NEK1: variants seen among roughly 807,000 people sequenced by gnomAD.
NEK1 encodes NIMA related kinase 1, also known as serine/threonine-protein kinase Nek1.
Under a neutral mutation model 182.1 loss-of-function variants are expected in NEK1, and 137 were observed. That is an observed-to-expected ratio of 0.75 (90% CI 0.65 to 0.87). The LOEUF (loss-of-function observed/expected upper bound fraction) is 0.87. NEK1 is among the 40% of genes least tolerant of loss of function. NEK1 has a pLI of 0.00. For synonymous variants in NEK1, 513 were observed against 492.2 expected, an observed-to-expected ratio of 1.04 and a Z score of -0.56; for missense variants, 1,391 against 1,494.4, an observed-to-expected ratio of 0.93 and a Z score of 1.14.
intron 2 of NEK1, among the ~76,000 whole-genome samples, chr4:169,611,226 T>C (rs1772276565): frequency 6.6e-6 from 1 of 152,204 alleles, no homozygotes; most frequent in Non-Finnish European, 1.5e-5. Context: ...TGTGGTCAAG[T>C]CCGACGACCT....
chr4:169,511,520 G>GAT (rs1754180004), intron 19 of NEK1, among the ~76,000 whole-genome samples: 1 of 152,016 alleles, frequency 6.6e-6, no homozygotes, highest in Non-Finnish European at 1.5e-5. Flanking sequence ...AAATATTATA[G>GAT]ATATACAGAA....
At position 169,562,419 on chromosome 4, in the gene NEK1, A is replaced by G. The variant is rs1166336703; in HGVS notation, c.1021-223T>C. Among the ~76,000 whole-genome samples the G allele has an allele frequency of 3.3e-5, 5 of 152,218 alleles. No individual in the cohort carries two copies. The East Asian group carries it at 9.6e-4, about 29-fold the overall frequency. On this transcript the variant is annotated intron_variant, in intron 12 of 35. Coordinates refer to ENST00000507142, the MANE Select transcript of NEK1 (RefSeq NM_001199397.3). ...AACTGTGGAAAAGGGTCCTTCCCCA[A>G]TCATCAACTAAACAGTTTTGTGTTC... is the stretch of plus-strand genomic sequence containing the variant.
intron 12 of NEK1, among the ~76,000 whole-genome samples, chr4:169,572,738 A>G (rs1261965351): frequency 2.0e-5 from 3 of 152,146 alleles, no homozygotes; most frequent in Non-Finnish European, 4.4e-5. Flanking sequence ...ACTCAAATGA[A>G]GAAAATATTT....
chr4:169,584,769 A>C lies in NEK1; in HGVS notation c.807+580T>G, dbSNP rs1275247716. ...CAATAACCTTATAGATACATTTAATAATCCCTTTGCTCACAGGTGAGGAGA... is the reference window on the plus strand; with the variant it reads ...CAATAACCTTATAGATACATTTAATCATCCCTTTGCTCACAGGTGAGGAGA... On this transcript the variant is annotated intron_variant, in intron 10 of 35. Coordinates refer to ENST00000507142, the MANE Select transcript of NEK1 (RefSeq NM_001199397.3). 2.0e-5 allele frequency among the ~76,000 whole-genome samples: 3 copies of C among 152,372 alleles called. No individual in the cohort carries two copies. The East Asian group carries it at 5.8e-4, about 29-fold the overall frequency.
chr4:169,400,362 A>G lies in NEK1; in HGVS notation c.3715-5T>C, dbSNP rs1468007550. On this transcript the variant is annotated splice_region_variant and splice_polypyrimidine_tract_variant and intron_variant, in intron 34 of 35. Transcript: ENST00000507142. ...ATCTTCATCTTCATGAATAGCCTATACCAAATTCCCAAATATAAATTAATA... is the reference window on the plus strand; with the variant it reads ...ATCTTCATCTTCATGAATAGCCTATGCCAAATTCCCAAATATAAATTAATA... 1 of 1,478,754 alleles carries G rather than the reference A, an allele frequency of 6.8e-7. No individual in the cohort carries two copies. The highest frequency in any genetic ancestry group is 2.5e-5 in the East Asian group (1 of 40,168). The allele number at this position is 1,478,754 out of a possible 1,614,324, so 91.6% of individuals were successfully genotyped here. A position where few individuals can be genotyped will look rare whatever the true frequency, so the allele number is the denominator to read the frequency against.
At chr4:169,466,833 ACT>A (rs1374281530) in intron 26 of NEK1, among the ~76,000 whole-genome samples, 1 of 148,816 alleles carries the variant, frequency 6.7e-6, no homozygotes. Context: ...AGAATAAATG[ACT>A]CTGCTGTATT....
intron 9 of NEK1, among the ~76,000 whole-genome samples, chr4:169,587,163 G>C (rs142315306): frequency 3.9e-5 from 6 of 152,018 alleles, no homozygotes; most frequent in Admixed American, 3.9e-4. Flanking sequence ...TCATCAGTGA[G>C]TATATGGAAT....
At position 169,529,216 on chromosome 4, in the gene NEK1, C is replaced by T. The variant is rs1448381668; in HGVS notation, c.1665+8593G>A. Among the ~76,000 whole-genome samples the T allele has an allele frequency of 2.0e-5, 3 of 152,024 alleles. No homozygotes were observed. The East Asian group carries it at 5.8e-4, about 29-fold the overall frequency. ...TAAGTTGCTACCTCAAAAAACAAGACATCACAAATTGTATGCTTATATCAA... is the reference window on the plus strand; with the variant it reads ...TAAGTTGCTACCTCAAAAAACAAGATATCACAAATTGTATGCTTATATCAA... On this transcript the variant is annotated intron_variant, in intron 19 of 35. Coordinates refer to ENST00000507142, the MANE Select transcript of NEK1 (RefSeq NM_001199397.3).
intron 2 of NEK1, among the ~76,000 whole-genome samples, chr4:169,609,654 A>G (rs1771983586): frequency 6.6e-6 from 1 of 152,208 alleles, no homozygotes. Context: ...GTATTAAATA[A>G]TATCTATGGA....
intron 12 of NEK1, among the ~76,000 whole-genome samples, chr4:169,571,766 G>A (rs548580489): frequency 6.6e-6 from 1 of 152,118 alleles, no homozygotes; most frequent in Non-Finnish European, 1.5e-5. Flanking sequence ...GTCTCACTCT[G>A]TCTCCAGGCT....
intron 31 of NEK1, among the ~76,000 whole-genome samples, chr4:169,418,999 G>A (rs899079515): frequency 6.6e-6 from 1 of 151,964 alleles, no homozygotes; most frequent in Non-Finnish European, 1.5e-5. Flanking sequence ...CCACCTAATG[G>A]CATTGTAGTG....
chr4:169,457,741 G>A lies in NEK1; in HGVS notation c.2587+5502C>T, dbSNP rs542142095. 5.3e-5 allele frequency among the ~76,000 whole-genome samples: 7 copies of A among 130,962 alleles called. No homozygotes were observed. The East Asian group carries it at 1.3e-3, about 24-fold the overall frequency. The allele number at this position is 130,962 out of a possible 152,430, so 85.9% of individuals were successfully genotyped here. ...GAGAGGGAGGGAAGAGGAGGAGAAA[G>A]GAGAGGAGGGGAGGGGAGGGGAGGG... On this transcript the variant is annotated intron_variant, in intron 27 of 35. Coordinates refer to ENST00000507142, the MANE Select transcript of NEK1 (RefSeq NM_001199397.3).
chr4:169,553,394 A>G (rs1278162658), intron 18 of NEK1, among the ~76,000 whole-genome samples: 1 of 152,206 alleles, frequency 6.6e-6, no homozygotes, highest in African/African-American at 2.4e-5. Context: ...AAAACATTAA[A>G]CTATAAAACT....
chr4:169,569,543 C>G (rs1764310975), intron 12 of NEK1, among the ~76,000 whole-genome samples: 1 of 149,904 alleles, frequency 6.7e-6, no homozygotes, highest in South Asian at 2.1e-4. Context: ...TGATGCCGAG[C>G]CGAAGCTGGA....
intron 12 of NEK1, among the ~76,000 whole-genome samples, chr4:169,568,937 C>CA (rs71590018): frequency 0.14 from 12,287 of 90,826 alleles, 801 homozygotes; most frequent in African/African-American, 0.29. Flanking sequence ...AACTCCATTT[C>CA]AAAAAAAAAA....
intron 26 of NEK1, among the ~76,000 whole-genome samples, chr4:169,473,969 A>C (rs1746494518): frequency 1.3e-5 from 2 of 152,220 alleles, no homozygotes; most frequent in African/African-American, 4.8e-5. Flanking sequence ...AAGTAGATTA[A>C]GGGAGAATAA....
chr4:169,596,830 C>T (rs1393857002), intron 5 of NEK1, among the ~76,000 whole-genome samples: 3 of 152,162 alleles, frequency 2.0e-5, no homozygotes, highest in African/African-American at 7.2e-5. Flanking sequence ...CTTATTTGTG[C>T]TAACAGAACT....
chr4:169,513,016 A>G (rs1250471332), intron 19 of NEK1, among the ~76,000 whole-genome samples: 1 of 152,138 alleles, frequency 6.6e-6, no homozygotes, highest in Non-Finnish European at 1.5e-5. Flanking sequence ...AGTTAGCCTC[A>G]AAATCAGGAA....
chr4:169,446,101 A>T (rs1740507258), intron 27 of NEK1, among the ~76,000 whole-genome samples: 1 of 151,948 alleles, frequency 6.6e-6, no homozygotes, highest in South Asian at 2.1e-4. Flanking sequence ...ATGCATACAA[A>T]ATACAGTTAA....
Sources: gnomAD v4.1 joint callset for allele counts (sites outside exome capture counted in the v4.1 genomes callset) on GRCh38, gnomAD v4.1.1 for gene constraint, MANE v1.5 for transcripts, NCBI Gene and HGNC (gene_info 2026-07-23, HGNC 2026-07-21) for gene names.